Variants in TBC1D16 observed in about 807,000 individuals in gnomAD.
The protein encoded by TBC1D16 is TBC1 domain family member 16, also known as CTD-2529O21.1.
In TBC1D16, 58 loss-of-function variants were observed where a neutral mutation model predicts 74.7. The observed-to-expected ratio is 0.78, with a 90% CI of 0.63 to 0.97. The LOEUF is 0.97. TBC1D16 is among the 50% of genes least tolerant of loss of function. The pLI, the probability that TBC1D16 is intolerant of heterozygous loss-of-function variation, is 0.00. For missense variants in TBC1D16, 1,014 were observed against 1,079.5 expected, an observed-to-expected ratio of 0.94 and a Z score of 0.85; for synonymous variants, 493 against 474.7, an observed-to-expected ratio of 1.04 and a Z score of -0.50.
chr17:80,025,111 A>ACCATG (rs1277560369), intron 1 of TBC1D16, among the ~76,000 whole-genome samples: 5 of 81,106 alleles, frequency 6.2e-5, no homozygotes, highest in Non-Finnish European at 1.2e-4. Flanking sequence ...TATACACACA[A>ACCATG]ACACCACAGA....
In TBC1D16 at chr17:80,018,406, C is replaced by T. The variant is rs1010650477; in HGVS notation, c.-62-4797G>A. 3.4e-5 allele frequency among the ~76,000 whole-genome samples: 5 copies of T among 149,056 alleles called. 1 individual carries two copies. The highest frequency in any genetic ancestry group is 1.9e-4 in the East Asian group (1 of 5,172). On this transcript the variant is annotated intron_variant, in intron 1 of 11. Transcript: ENST00000310924. Reference sequence around the variant, plus strand: ...ACGCCATTCTCCTGCTTCAGCCTCCCGAGTAGCTGGGACTACAGGCGCCCG... The same window carrying T: ...ACGCCATTCTCCTGCTTCAGCCTCCTGAGTAGCTGGGACTACAGGCGCCCG...
intron 1 of TBC1D16, among the ~76,000 whole-genome samples, chr17:80,033,278 G>A (rs1162244214): frequency 6.6e-6 from 1 of 152,190 alleles, no homozygotes; most frequent in Non-Finnish European, 1.5e-5. Flanking sequence ...CTCTGAAGTA[G>A]GTAGTATAGA....
Position 79,951,471 on chromosome 17 carries a change from G to T in TBC1D16, c.1068C>A (p.Thr356=). Residue 356 remains threonine, a synonymous_variant, in exon 5 of 12, where the codon ACC becomes ACA. Coordinates refer to ENST00000310924, the MANE Select transcript of TBC1D16 (RefSeq NM_019020.4). ...SDVFQQWKYC[T]EMQLKDQQVA... ...CTACCTGGTCTTTGAGCTGCATCTC[G>T]GTGCAGTATTTCCACTGCTGGAACA... 3.1e-6 allele frequency: 5 copies of T among 1,613,818 alleles called. No homozygotes were observed. The highest frequency in any genetic ancestry group is 4.2e-6 in the Non-Finnish European group (5 of 1,179,892).
At chr17:79,955,514 AT>A (rs911635600) in intron 3 of TBC1D16, among the ~76,000 whole-genome samples, 5 of 152,216 alleles carry the variant, frequency 3.3e-5, no homozygotes, top group African/African-American at 1.2e-4. Context: ...ACAGTGTTTT[AT>A]TTTTGCTTAT....
intron 1 of TBC1D16, among the ~76,000 whole-genome samples, chr17:80,015,910 C>T (rs908562230): frequency 6.7e-6 from 1 of 150,170 alleles, no homozygotes; most frequent in Non-Finnish European, 1.5e-5. Flanking sequence ...ACATGGGAGG[C>T]TGAAGCAGGA....
rs1332967730 is a variant in TBC1D16, at chr17:79,971,865, G to T, written c.780-19047C>A. 6.6e-6 allele frequency among the ~76,000 whole-genome samples: 1 copy of T among 152,162 alleles called. No homozygotes were observed. Among genetic ancestry groups the T allele is most frequent in the Non-Finnish European group, 1.5e-5 (1 of 68,030 alleles). On this transcript the variant is annotated intron_variant, in intron 3 of 11. Coordinates refer to ENST00000310924, the MANE Select transcript of TBC1D16 (RefSeq NM_019020.4). This position sits in a 1 kb window ranked among gnomAD's most constrained non-coding sequence, Gnocchi z 4.6. The stretch of plus-strand genomic sequence containing the variant: ...TGGAAGGCTTCCTCTCGGAGCAGGT[G>T]GCATGGGGGCTGGCTGTGGGGGTCT...
At chr17:80,034,688 A>G (rs2143506112) in intron 1 of TBC1D16, among the ~76,000 whole-genome samples, 1 of 152,346 alleles carries the variant, frequency 6.6e-6, no homozygotes, top group East Asian at 1.9e-4. Flanking sequence ...ATGGTTCTTA[A>G]AAGTGTTTAG....
intron 3 of TBC1D16, among the ~76,000 whole-genome samples, chr17:79,998,545 T>TTTCA (rs2035364653): frequency 7.0e-6 from 1 of 143,066 alleles, no homozygotes; most frequent in African/African-American, 2.6e-5. Flanking sequence ...AGAGACAAGG[T>TTTCA]TTCACCATGT....
intron 1 of TBC1D16, among the ~76,000 whole-genome samples, chr17:80,024,695 A>G (rs2143252406): frequency 3.1e-5 from 1 of 32,390 alleles, no homozygotes; most frequent in African/African-American, 1.1e-4. Flanking sequence ...ATAGACACAC[A>G]TGCCACACAC....
At chr17:79,977,101 T>C (rs1281411137) in intron 3 of TBC1D16, among the ~76,000 whole-genome samples, 1 of 152,216 alleles carries the variant, frequency 6.6e-6, no homozygotes, top group Non-Finnish European at 1.5e-5. Context: ...TCCTTTTCAG[T>C]GATCCGTCCA....
Position 79,938,677 on chromosome 17 carries a change from A to C in TBC1D16, c.*2182T>G, listed in dbSNP as rs1474853434. On this transcript the variant is annotated 3_prime_UTR_variant, in exon 12 of 12. Coordinates refer to ENST00000310924, the MANE Select transcript of TBC1D16 (RefSeq NM_019020.4). ...GTTTAGCCCTCCAAATTCTCAGCCT[A>C]CTGCCACCCGACTGTGCAGAGCGGA... is the stretch of plus-strand genomic sequence containing the variant. The C allele has an allele frequency of 2.0e-5, 3 of 152,270 alleles. No homozygotes were observed. Among genetic ancestry groups the C allele is most frequent in the African/African-American group, 7.2e-5 (3 of 41,444 alleles). The allele number at this position is 152,270 out of a possible 1,614,324, so 9.4% of individuals were successfully genotyped here.
In TBC1D16 at chr17:80,001,328, C is replaced by T. The variant is rs1012915974; in HGVS notation, c.779+8832G>A. Among the ~76,000 whole-genome samples, 4 of 152,192 alleles carry T rather than the reference C, an allele frequency of 2.6e-5. No individual in the cohort carries two copies. The highest frequency in any genetic ancestry group is 5.9e-5 in the Non-Finnish European group (4 of 68,044). ...CCTGCCAAGTGCTACAGAAACAAGA[C>T]GAGATTAGTCTGAACGACACACAGA... On this transcript the variant is annotated intron_variant, in intron 3 of 11. Coordinates refer to ENST00000310924, the MANE Select transcript of TBC1D16 (RefSeq NM_019020.4). This position sits in a 1 kb window ranked among gnomAD's most constrained non-coding sequence, Gnocchi z 5.8.
rs2143785634 is a variant in TBC1D16, at chr17:79,954,547, T to C, written c.780-1729A>G. 6.6e-6 allele frequency among the ~76,000 whole-genome samples: 1 copy of C among 152,086 alleles called. No individual in the cohort carries two copies. The highest frequency in any genetic ancestry group is 6.5e-5 in the Admixed American group (1 of 15,288). On this transcript the variant is annotated intron_variant, in intron 3 of 11. Transcript: ENST00000310924. The surrounding 1 kb of genome is among the most constrained non-coding windows in gnomAD (Gnocchi z 5.5). ...GGGCCATCACCTGAACTGCCGTGGCTGCGCCGCGGACGGGCCCAGAAGACC... is the reference window on the plus strand; with the variant it reads ...GGGCCATCACCTGAACTGCCGTGGCCGCGCCGCGGACGGGCCCAGAAGACC...
chr17:79,989,321 A>C (rs1377159396), intron 3 of TBC1D16, among the ~76,000 whole-genome samples: 1 of 152,234 alleles, frequency 6.6e-6, no homozygotes, highest in African/African-American at 2.4e-5. Flanking sequence ...GGACGCATCA[A>C]AGCCCCTCTC....
In TBC1D16 at chr17:80,000,498, A is replaced by G. The variant is rs1435758665; in HGVS notation, c.779+9662T>C. Among the ~76,000 whole-genome samples the G allele has an allele frequency of 6.6e-6, 1 of 152,206 alleles. No homozygotes were observed. The highest frequency in any genetic ancestry group is 1.5e-5 in the Non-Finnish European group (1 of 68,018). On this transcript the variant is annotated intron_variant, in intron 3 of 11. Transcript: ENST00000310924. The surrounding 1 kb of genome is among the most constrained non-coding windows in gnomAD (Gnocchi z 4.1). ...GGAAGGACCCTCCCCTAGACCTTCC[A>G]GAGGGAGCGTGGCTCTGCAGACACC...
In TBC1D16 at chr17:79,983,108, G is replaced by A. The variant is rs1433454139; in HGVS notation, c.779+27052C>T. On this transcript the variant is annotated intron_variant, in intron 3 of 11. Transcript: ENST00000310924. This position sits in a 1 kb window ranked among gnomAD's most constrained non-coding sequence, Gnocchi z 5.6. ...AAGGACAAGCGGGAAGCCGGGAACA[G>A]CTCCATGTCCATGGAAGGGGCATGG... Among the ~76,000 whole-genome samples the A allele has an allele frequency of 2.0e-5, 3 of 152,242 alleles. No homozygotes were observed. Among genetic ancestry groups the A allele is most frequent in the African/African-American group, 7.2e-5 (3 of 41,474 alleles).
chr17:79,994,503 A>G lies in TBC1D16; in HGVS notation c.779+15657T>C, dbSNP rs543063231. Among the ~76,000 whole-genome samples, 1 of 152,276 alleles carries G rather than the reference A, an allele frequency of 6.6e-6. No homozygotes were observed. Among genetic ancestry groups the G allele is most frequent in the Admixed American group, 6.5e-5 (1 of 15,300 alleles). ...CAATGGCGTGATCACAGCTCACTGC[A>G]ACCTCTGCCTCCTGGGTTCAAGCAA... On this transcript the variant is annotated intron_variant, in intron 3 of 11. Coordinates refer to ENST00000310924, the MANE Select transcript of TBC1D16 (RefSeq NM_019020.4). The surrounding 1 kb of genome is among the most constrained non-coding windows in gnomAD (Gnocchi z 4.6).
Position 79,950,816 on chromosome 17 carries a change from C to G in TBC1D16, c.1090-238G>C. The stretch of plus-strand genomic sequence containing the variant: ...TCCTCCCCGGCCCACTGTGCCGCCG[C>G]CCCCCACTCTCTCCAACCCCAGCCG... On this transcript the variant is annotated intron_variant, in intron 5 of 11. Coordinates refer to ENST00000310924, the MANE Select transcript of TBC1D16 (RefSeq NM_019020.4). This position sits in a 1 kb window ranked among gnomAD's most constrained non-coding sequence, Gnocchi z 4.6. 3 of 1,534,948 alleles carry G rather than the reference C, an allele frequency of 2.0e-6. No individual in the cohort carries two copies. The highest frequency in any genetic ancestry group is 2.6e-6 in the Non-Finnish European group (3 of 1,146,200).
chr17:80,027,514 G>C (rs1180967990), intron 1 of TBC1D16, among the ~76,000 whole-genome samples: 3 of 152,074 alleles, frequency 2.0e-5, no homozygotes, highest in Non-Finnish European at 4.4e-5. Flanking sequence ...TGGGAGGATC[G>C]CTCGACCCTG....
Sources: gnomAD v4.1 joint callset for allele counts (sites outside exome capture counted in the v4.1 genomes callset) on GRCh38, gnomAD v4.1.1 for gene constraint, Gnocchi (gnomAD v3.1) non-coding constraint, MANE v1.5 for transcripts, NCBI Gene and HGNC (gene_info 2026-07-23, HGNC 2026-07-21) for gene names.